The following JAM3 variants were observed in gnomAD, a reference collection of about 807,000 sequenced individuals.
JAM3 encodes the protein junctional adhesion molecule C.
In JAM3, 31 loss-of-function variants were observed where a neutral mutation model predicts 39.4. The observed-to-expected ratio is 0.79, with a 90% CI of 0.59 to 1.06. The LOEUF is 1.06. Ranked by LOEUF, JAM3 falls within the 50% of genes least tolerant of loss-of-function variation. JAM3 has a pLI of 0.00. For missense variants in JAM3, 455 were observed against 391.4 expected (o/e 1.16, Z -1.37); for synonymous variants, 182 against 148.7 (o/e 1.22, Z -1.63).
chr11:134,137,432 T>C (rs1368292177), intron 1 of JAM3, among the ~76,000 whole-genome samples: 1 of 152,198 alleles, frequency 6.6e-6, no homozygotes, highest in East Asian at 1.9e-4. Flanking sequence ...CATTTTCTTA[T>C]TTCTCTTGGC....
intron 1 of JAM3, among the ~76,000 whole-genome samples, chr11:134,092,487 G>A (rs1021839004): frequency 5.7e-5 from 8 of 139,324 alleles, no homozygotes; most frequent in Non-Finnish European, 9.2e-5. Context: ...CACCTTAAAC[G>A]TCACTTCCTG....
intron 3 of JAM3, among the ~76,000 whole-genome samples, chr11:134,143,228 A>G (rs1217430095): frequency 1.3e-5 from 2 of 152,120 alleles, no homozygotes; most frequent in Non-Finnish European, 2.9e-5. Flanking sequence ...GTATTTTCCC[A>G]CATCCTTACC....
intron 5 of JAM3, 130 bp from the exon 6 acceptor site, chr11:134,145,816 A>T: frequency 2.7e-6 from 2 of 736,144 alleles, no homozygotes; most frequent in South Asian, 2.8e-5. Context: ...TCAGGGAGGA[A>T]CATGCACAGT....
At chr11:134,083,436 T>C (rs1941697216) in intron 1 of JAM3, among the ~76,000 whole-genome samples, 1 of 152,192 alleles carries the variant, frequency 6.6e-6, no homozygotes, top group Non-Finnish European at 1.5e-5. Flanking sequence ...GGGGCTAGTA[T>C]CCCACATGCT....
At chr11:134,102,634 GCTAA>G (rs1942097828) in intron 1 of JAM3, among the ~76,000 whole-genome samples, 1 of 152,124 alleles carries the variant, frequency 6.6e-6, no homozygotes, top group African/African-American at 2.4e-5. Flanking sequence ...TAGACAAATG[GCTAA>G]CTAGAGTAAC....
At chr11:134,110,956 A>G (rs532951799) in intron 1 of JAM3, among the ~76,000 whole-genome samples, 196 of 152,102 alleles carry the variant, frequency 1.3e-3, no homozygotes, top group Middle Eastern at 6.8e-3. Flanking sequence ...GCTCTGTACC[A>G]AATCCCTGAC....
At chr11:134,082,388 A>G (rs1941680743) in intron 1 of JAM3, among the ~76,000 whole-genome samples, 1 of 152,148 alleles carries the variant, frequency 6.6e-6, no homozygotes, top group South Asian at 2.1e-4. Context: ...GGGAGGGGCC[A>G]GGGGTGGAAT....
chr11:134,103,454 C>T (rs1565489405), intron 1 of JAM3, among the ~76,000 whole-genome samples: 1 of 152,156 alleles, frequency 6.6e-6, no homozygotes, highest in African/African-American at 2.4e-5. Context: ...ACTGCATCAA[C>T]TAATGAGTAA....
intron 1 of JAM3, among the ~76,000 whole-genome samples, chr11:134,090,874 A>G (rs1328302825): frequency 6.6e-6 from 1 of 152,244 alleles, no homozygotes; most frequent in Non-Finnish European, 1.5e-5. Flanking sequence ...TACATACACA[A>G]TATGAAAGAA....
intron 1 of JAM3, among the ~76,000 whole-genome samples, chr11:134,095,163 A>G (rs1281250361): frequency 6.6e-6 from 1 of 152,244 alleles, no homozygotes; most frequent in East Asian, 1.9e-4. Context: ...GAAGAGAGAA[A>G]GTAAACCAGC....
chr11:134,104,101 C>G (rs866129632), intron 1 of JAM3, among the ~76,000 whole-genome samples: 11 of 152,110 alleles, frequency 7.2e-5, no homozygotes, highest in African/African-American at 2.2e-4. Flanking sequence ...TGACCACATA[C>G]TTGGAAGTAA....
intron 1 of JAM3, among the ~76,000 whole-genome samples, chr11:134,110,456 C>G (rs953445165): frequency 6.6e-6 from 1 of 152,116 alleles, no homozygotes; most frequent in African/African-American, 2.4e-5. Flanking sequence ...TATGACTATT[C>G]AGCAATAAAA....
rs568021631 is a variant in JAM3, at chr11:134,104,928, C to G, written c.77-34923C>G. 5.9e-5 allele frequency among the ~76,000 whole-genome samples: 9 copies of G among 152,278 alleles called. No individual in the cohort carries two copies. In the South Asian group the frequency reaches 1.0e-3, roughly 18 times the overall value. ...TCACAGCCGAATTCTACCAGAGGTA[C>G]AAGCAGGAGCTGGTACCATTCCTTC... On this transcript the variant is annotated intron_variant, in intron 1 of 8. Transcript: ENST00000299106.
intron 1 of JAM3, among the ~76,000 whole-genome samples, chr11:134,136,338 C>T (rs938202277): frequency 2.6e-5 from 4 of 152,196 alleles, no homozygotes; most frequent in Non-Finnish European, 4.4e-5. Flanking sequence ...CTCCTAAGTA[C>T]TTCTGTCCGA....
intron 1 of JAM3, among the ~76,000 whole-genome samples, chr11:134,106,051 A>G (rs1317513062): frequency 6.6e-6 from 1 of 152,246 alleles, no homozygotes; most frequent in East Asian, 1.9e-4. Context: ...GTCAATAATA[A>G]GCCAAAAGAA....
In JAM3 at chr11:134,146,141, G is replaced by T. The variant is rs77908320; in HGVS notation, c.712+96G>T. 8.0e-6 allele frequency: 7 copies of T among 879,136 alleles called. No individual in the cohort carries two copies. The East Asian group carries it at 8.0e-5, about 10-fold the overall frequency. The allele number at this position is 879,136 out of a possible 1,614,324, so 54.5% of individuals were successfully genotyped here. ...TACCATCAGCTTAGAGAACTCTTCC[G>T]CCATGGGTTAGCTTTCTTCTGGAGC... On this transcript the variant is annotated intron_variant, in intron 6 of 8. Transcript: ENST00000299106.
chr11:134,107,015 A>G (rs796071318), intron 1 of JAM3, among the ~76,000 whole-genome samples: 1 of 152,250 alleles, frequency 6.6e-6, no homozygotes, highest in Non-Finnish European at 1.5e-5. Context: ...TCATACTGCT[A>G]TAAAGACACA....
chr11:134,111,168 GA>G lies in JAM3; in HGVS notation c.77-28682del, dbSNP rs368147476. Among the ~76,000 whole-genome samples, 960 of 107,740 alleles carry G rather than the reference GA, an allele frequency of 8.9e-3. 18 individuals carry two copies. Among genetic ancestry groups the G allele is most frequent in the African/African-American group, 0.041 (897 of 21,680 alleles). 70.7% of individuals were successfully genotyped at this position (107,740 alleles called of 152,430 possible). A position where few individuals can be genotyped will look rare whatever the true frequency, so the allele number is the denominator to read the frequency against. On this transcript the variant is annotated intron_variant, in intron 1 of 8. Coordinates refer to ENST00000299106, the MANE Select transcript of JAM3 (RefSeq NM_032801.5). Reference sequence around the variant, plus strand: ...TTTTTTTTTTTTTTTTTTTGAGATGGAGTCTCACTCTGTCGCCCAGGCTCGA... The same window carrying G: ...TTTTTTTTTTTTTTTTTTTGAGATGGGTCTCACTCTGTCGCCCAGGCTCGA...
At chr11:134,089,386 G>A (rs1484064327) in intron 1 of JAM3, among the ~76,000 whole-genome samples, 2 of 151,960 alleles carry the variant, frequency 1.3e-5, no homozygotes, top group African/African-American at 4.8e-5. Flanking sequence ...ATGTATACAT[G>A]TGCCATGTTG....
Sources: gnomAD v4.1 joint callset for allele counts (sites outside exome capture counted in the v4.1 genomes callset) on GRCh38, gnomAD v4.1.1 for gene constraint, MANE v1.5 for transcripts, NCBI Gene and HGNC (gene_info 2026-07-23, HGNC 2026-07-21) for gene names.